Variants in SPIRE1 observed in about 807,000 individuals in gnomAD.
SPIRE1 encodes the protein spire type actin nucleation factor 1, also known as protein spire homolog 1.
In SPIRE1, 40 loss-of-function variants were observed where a neutral mutation model predicts 94.1. That is an observed-to-expected ratio of 0.43 (90% confidence interval 0.33 to 0.55). The LOEUF is 0.55. Ranked by LOEUF, SPIRE1 falls within the 20% of genes least tolerant of loss-of-function variation. SPIRE1 has a pLI of 0.06. For missense variants in SPIRE1, 838 were observed against 975.2 expected (o/e 0.86, Z 1.87); for synonymous variants, 376 against 371.7 (o/e 1.01, Z -0.13).
chr18:12,656,024 G>A (rs999354842), intron 1 of SPIRE1, among the ~76,000 whole-genome samples: 3 of 151,874 alleles, frequency 2.0e-5, no homozygotes, highest in African/African-American at 4.8e-5. Flanking sequence ...TCAGCCTCCC[G>A]AGTAGCTGGT....
intron 6 of SPIRE1, among the ~76,000 whole-genome samples, chr18:12,500,457 C>T (rs1485868880): frequency 6.6e-6 from 1 of 152,030 alleles, no homozygotes; most frequent in South Asian, 2.1e-4. Flanking sequence ...ACAAAATGAA[C>T]AACAGCAAGT....
intron 10 of SPIRE1, among the ~76,000 whole-genome samples, chr18:12,478,323 G>A (rs565228850): frequency 3.3e-5 from 5 of 151,578 alleles, no homozygotes; most frequent in Admixed American, 6.6e-5. Flanking sequence ...GTGTAGCTAG[G>A]GTGTGTGTGT....
At chr18:12,635,207 C>A in intron 1 of SPIRE1, 111 bp from the exon 2 acceptor site, 1 of 586,530 alleles carries the variant, frequency 1.7e-6, no homozygotes, top group Non-Finnish European at 3.0e-6. Context: ...ATGAGAATAT[C>A]TATGCAAATG....
chr18:12,596,075 G>T (rs16939680), intron 2 of SPIRE1, among the ~76,000 whole-genome samples: 24,604 of 152,226 alleles, frequency 0.16, 2,146 homozygotes, highest in Admixed American at 0.24. Context: ...TTATCAGATG[G>T]TCTACTCCTG....
At chr18:12,609,817 A>G (rs1233745139) in intron 2 of SPIRE1, among the ~76,000 whole-genome samples, 4 of 152,038 alleles carry the variant, frequency 2.6e-5, no homozygotes, top group Admixed American at 2.6e-4. Flanking sequence ...CCCATCTTCT[A>G]TGCCTACTGC....
chr18:12,464,331 G>T (rs2032001573), intron 11 of SPIRE1, among the ~76,000 whole-genome samples: 1 of 152,120 alleles, frequency 6.6e-6, no homozygotes, highest in Admixed American at 6.5e-5. Flanking sequence ...GAATTTTTGT[G>T]TATGAGAAAT....
chr18:12,462,951 A>G (rs1199610858), intron 12 of SPIRE1, among the ~76,000 whole-genome samples: 1 of 152,156 alleles, frequency 6.6e-6, no homozygotes, highest in Non-Finnish European at 1.5e-5. Context: ...GCTAGAGTGC[A>G]ATGGTGTAGT....
At chr18:12,451,568 G>A (rs2031237911) in intron 16 of SPIRE1, among the ~76,000 whole-genome samples, 1 of 152,194 alleles carries the variant, frequency 6.6e-6, no homozygotes, top group Non-Finnish European at 1.5e-5. Flanking sequence ...GGCAGCCCAA[G>A]CACAGAGGCA....
chr18:12,535,114 C>T (rs533512721), intron 4 of SPIRE1, among the ~76,000 whole-genome samples: 6 of 152,142 alleles, frequency 3.9e-5, no homozygotes, highest in Non-Finnish European at 8.8e-5. Context: ...TTATCCCTTC[C>T]CGGAAGAGGT....
intron 4 of SPIRE1, among the ~76,000 whole-genome samples, chr18:12,517,639 C>T (rs1225540571): frequency 2.0e-5 from 3 of 152,150 alleles, no homozygotes; most frequent in Admixed American, 2.0e-4. Flanking sequence ...TTACGCTTCC[C>T]ATTTCTGACA....
chr18:12,633,537 C>T (rs1468446704), intron 2 of SPIRE1, among the ~76,000 whole-genome samples: 1 of 150,576 alleles, frequency 6.6e-6, no homozygotes, highest in Non-Finnish European at 1.5e-5. Context: ...GATTGTGCCA[C>T]TGCACTCCAG....
chr18:12,555,040 A>G (rs1393383054), intron 2 of SPIRE1, among the ~76,000 whole-genome samples: 2 of 152,044 alleles, frequency 1.3e-5, no homozygotes, highest in African/African-American at 2.4e-5. Flanking sequence ...CCTGTTGACC[A>G]ACTTCTTTTC....
intron 2 of SPIRE1, among the ~76,000 whole-genome samples, chr18:12,622,725 A>G (rs962702777): frequency 1.3e-5 from 2 of 152,180 alleles, no homozygotes; most frequent in African/African-American, 4.8e-5. Context: ...CCCAGGCCTC[A>G]GCTGTGTCCA....
rs754436637 is a variant in SPIRE1, at chr18:12,506,637, C to T, written c.812G>A (p.Arg271Gln). The T allele has an allele frequency of 8.7e-6, 14 of 1,613,750 alleles. No individual in the cohort carries two copies. Among genetic ancestry groups the T allele is most frequent in the East Asian group, 6.7e-5 (3 of 44,892 alleles). The change falls in exon 6 of 17, where the codon CGA becomes CAA. Residue 271 changes from arginine to glutamine, a missense_variant. Transcript: ENST00000409402. ...LEELKNADWA[R>Q]FWVQVMRDLR... Reference sequence around the variant, plus strand: ...ATCCCTCATCACCTGTACCCAGAATCGTGCCTGAAAGAACCAAGGATAGAG... The same window carrying T: ...ATCCCTCATCACCTGTACCCAGAATTGTGCCTGAAAGAACCAAGGATAGAG...
In SPIRE1 at chr18:12,582,784, C is replaced by A. The variant is rs1453210916; in HGVS notation, c.373-35880G>T. ...AATGATCAGCTGTTCATTCATCCAT[C>A]CCTTCATTCGTTCAATAAATGTTCA... On this transcript the variant is annotated intron_variant, in intron 2 of 16. Coordinates refer to ENST00000409402, the MANE Select transcript of SPIRE1 (RefSeq NM_001128626.2). Among the ~76,000 whole-genome samples the A allele has an allele frequency of 2.0e-5, 3 of 152,162 alleles. No individual in the cohort carries two copies. In the East Asian group the frequency reaches 5.8e-4, roughly 29 times the overall value.
intron 10 of SPIRE1, among the ~76,000 whole-genome samples, chr18:12,474,073 C>A (rs975077543): frequency 2.6e-5 from 4 of 152,184 alleles, no homozygotes; most frequent in Non-Finnish European, 4.4e-5. Context: ...CCCACAAAAA[C>A]CAAAAACATT....
chr18:12,507,804 G>C (rs2033887981), intron 5 of SPIRE1, among the ~76,000 whole-genome samples: 7 of 151,962 alleles, frequency 4.6e-5, no homozygotes, highest in Admixed American at 4.6e-4. Flanking sequence ...CTCTACTTGA[G>C]TGAAGTCCAT....
intron 4 of SPIRE1, among the ~76,000 whole-genome samples, chr18:12,534,857 C>G (rs1383247757): frequency 6.6e-6 from 1 of 152,168 alleles, no homozygotes; most frequent in African/African-American, 2.4e-5. Flanking sequence ...GCACCTGGCC[C>G]CCTTTCATAT....
At chr18:12,581,181 G>C (rs2036248799) in intron 2 of SPIRE1, among the ~76,000 whole-genome samples, 1 of 151,954 alleles carries the variant, frequency 6.6e-6, no homozygotes, top group Admixed American at 6.6e-5. Flanking sequence ...CAAGAAAGGG[G>C]AACAAACACA....
Sources: gnomAD v4.1 joint callset for allele counts (sites outside exome capture counted in the v4.1 genomes callset) on GRCh38, gnomAD v4.1.1 for gene constraint, MANE v1.5 for transcripts, NCBI Gene and HGNC (gene_info 2026-07-23, HGNC 2026-07-21) for gene names.